The following BRINP2 variants were observed in gnomAD, a reference collection of about 807,000 sequenced individuals.
The protein encoded by BRINP2 is BMP/retinoic acid inducible neural specific 2.
BRINP2 carries 21 observed loss-of-function variants against 69.2 expected under a neutral mutation model. That is an observed-to-expected ratio of 0.30 (90% CI 0.22 to 0.44). The LOEUF (loss-of-function observed/expected upper bound fraction) is 0.44, where lower values mean the gene tolerates loss of function less well. Ranked by LOEUF, BRINP2 falls within the 20% of genes least tolerant of loss-of-function variation. The probability of loss-of-function intolerance (pLI) is 1.00; values close to 1 mark genes in which losing one functional copy is unlikely to be tolerated. For missense variants in BRINP2, 877 were observed against 986.0 expected (o/e 0.89, Z 1.48); for synonymous variants, 380 against 394.1 (o/e 0.96, Z 0.42).
Position 177,182,574 on chromosome 1 carries a change from C to T in BRINP2, c.-77+10842C>T, listed in dbSNP as rs555474570. 5.1e-4 allele frequency among the ~76,000 whole-genome samples: 77 copies of T among 152,252 alleles called. 1 individual carries two copies. Among genetic ancestry groups the T allele is most frequent in the Admixed American group, 9.8e-4 (15 of 15,312 alleles). ...CAAAGAGGGCTGCTCTGAGCTACAA[C>T]CCTTAAAGAACGCACCAGTACAGGC... is the stretch of plus-strand genomic sequence containing the variant. On this transcript the variant is annotated intron_variant, in intron 1 of 7. Coordinates refer to ENST00000361539, the MANE Select transcript of BRINP2 (RefSeq NM_021165.4).
chr1:177,193,904 C>G (rs1351868048), intron 1 of BRINP2, among the ~76,000 whole-genome samples: 1 of 152,204 alleles, frequency 6.6e-6, no homozygotes, highest in Non-Finnish European at 1.5e-5. Context: ...AACAAAACTT[C>G]AGGGGAATAA....
At chr1:177,275,859 A>C (rs1651475025) in intron 5 of BRINP2, among the ~76,000 whole-genome samples, 5 of 152,216 alleles carry the variant, frequency 3.3e-5, no homozygotes, top group Admixed American at 3.3e-4. Flanking sequence ...CTTTTATCTG[A>C]AACATCTTCC....
chr1:177,223,754 A>G (rs1410901130), intron 1 of BRINP2, among the ~76,000 whole-genome samples: 1 of 152,158 alleles, frequency 6.6e-6, no homozygotes, highest in African/African-American at 2.4e-5. Context: ...GAGGATATCT[A>G]TACCCTCACT....
rs769674620 is a variant in BRINP2, at chr1:177,278,662, G to T, written c.1112G>T (p.Arg371Leu). Residue 371 changes from arginine to leucine, a missense_variant, in exon 7 of 8, where the codon CGC becomes CTC. Physicochemically the swap from Arg to Leu is moderately radical, Grantham distance 102. Coordinates refer to ENST00000361539, the MANE Select transcript of BRINP2 (RefSeq NM_021165.4). ...FWAMDTSLQH[R>L]YQQLGAGLKV... ...GCCATGGACACCAGCCTTCAGCACC[G>T]CTACCAGCAGCTGGGAGCTGGCTTG... is the stretch of plus-strand genomic sequence containing the variant. 3.1e-6 allele frequency: 5 copies of T among 1,614,198 alleles called. No individual in the cohort carries two copies. In the East Asian group the frequency reaches 6.7e-5, roughly 22 times the overall value.
intron 1 of BRINP2, among the ~76,000 whole-genome samples, chr1:177,196,346 G>A (rs1035613024): frequency 6.6e-5 from 10 of 152,246 alleles, no homozygotes; most frequent in Non-Finnish European, 1.2e-4. Flanking sequence ...TTCTAGGTGC[G>A]GTGGCTCACG....
chr1:177,204,612 AAAG>A (rs1397724726), intron 1 of BRINP2, among the ~76,000 whole-genome samples: 1 of 152,188 alleles, frequency 6.6e-6, no homozygotes. Context: ...TCTCTCTAAT[AAAG>A]AAGGTTAAAA....
chr1:177,179,828 G>A (rs184095520), intron 1 of BRINP2, among the ~76,000 whole-genome samples: 1 of 152,226 alleles, frequency 6.6e-6, no homozygotes, highest in East Asian at 1.9e-4. Flanking sequence ...GGAGGGGTAT[G>A]CAGAGGGGGT....
intron 1 of BRINP2, among the ~76,000 whole-genome samples, chr1:177,179,204 ATAGAG>A (rs1310171132): frequency 6.6e-6 from 1 of 150,650 alleles, no homozygotes; most frequent in East Asian, 2.0e-4. Flanking sequence ...AGAAGATAAA[ATAGAG>A]TATTGTCAGA....
chr1:177,183,465 C>T (rs1399024635), intron 1 of BRINP2, among the ~76,000 whole-genome samples: 1 of 152,100 alleles, frequency 6.6e-6, no homozygotes, highest in Non-Finnish European at 1.5e-5. Flanking sequence ...GCTTTAGTTG[C>T]TTAAATTCTT....
intron 2 of BRINP2, among the ~76,000 whole-genome samples, chr1:177,247,498 T>G (rs1487870207): frequency 6.6e-6 from 1 of 152,254 alleles, no homozygotes; most frequent in Non-Finnish European, 1.5e-5. Flanking sequence ...TCCAGAGTTC[T>G]TAAATATTTT....
Position 177,261,122 on chromosome 1 carries a change from G to T in BRINP2, c.669+3738G>T, listed in dbSNP as rs191783233. 5.0e-4 allele frequency among the ~76,000 whole-genome samples: 76 copies of T among 152,206 alleles called. 1 individual carries two copies. The highest frequency in any genetic ancestry group is 1.7e-3 in the African/African-American group (71 of 41,532). ...CAGGTACAAGTGCCCTAAAGTGGCA[G>T]GGCAGTGTACTTTGTATGATCCAGG... On this transcript the variant is annotated intron_variant, in intron 4 of 7. Coordinates refer to ENST00000361539, the MANE Select transcript of BRINP2 (RefSeq NM_021165.4).
At chr1:177,241,569 C>A (rs1650207277) in intron 2 of BRINP2, among the ~76,000 whole-genome samples, 1 of 152,136 alleles carries the variant, frequency 6.6e-6, no homozygotes, top group Non-Finnish European at 1.5e-5. Flanking sequence ...CCAACTCTCC[C>A]TTTTCCATCT....
chr1:177,187,892 TA>T (rs1422045997), intron 1 of BRINP2, among the ~76,000 whole-genome samples: 1 of 152,206 alleles, frequency 6.6e-6, no homozygotes, highest in Non-Finnish European at 1.5e-5. Flanking sequence ...GATTAAAAAA[TA>T]ATCCATGGAT....
intron 6 of BRINP2, among the ~76,000 whole-genome samples, chr1:177,278,295 C>G (rs1558188152): frequency 6.6e-6 from 1 of 152,074 alleles, no homozygotes; most frequent in African/African-American, 2.4e-5. Flanking sequence ...ACTCTGGCCC[C>G]TCTGAGGGTG....
At chr1:177,270,775 C>T (rs1651297669) in intron 4 of BRINP2, among the ~76,000 whole-genome samples, 1 of 152,124 alleles carries the variant, frequency 6.6e-6, no homozygotes, top group Non-Finnish European at 1.5e-5. Context: ...AATACCATAC[C>T]CCTGTGTCCC....
chr1:177,221,779 G>A (rs907876452), intron 1 of BRINP2, among the ~76,000 whole-genome samples: 4 of 152,126 alleles, frequency 2.6e-5, no homozygotes, highest in African/African-American at 9.7e-5. Flanking sequence ...TCCAGGACAC[G>A]ATCAGGTGGA....
chr1:177,232,053 A>G (rs1032464437), intron 2 of BRINP2, among the ~76,000 whole-genome samples: 7 of 152,202 alleles, frequency 4.6e-5, no homozygotes, highest in African/African-American at 1.7e-4. Context: ...GTAAAATAAG[A>G]TTTAATTTAC....
intron 6 of BRINP2, among the ~76,000 whole-genome samples, chr1:177,276,657 T>C (rs1024099427): frequency 1.3e-5 from 2 of 152,234 alleles, no homozygotes; most frequent in African/African-American, 4.8e-5. Context: ...ATAGGTGTGT[T>C]TTAAGGACTT....
intron 2 of BRINP2, among the ~76,000 whole-genome samples, chr1:177,235,633 C>A (rs1649998261): frequency 6.6e-6 from 1 of 152,184 alleles, no homozygotes; most frequent in African/African-American, 2.4e-5. Flanking sequence ...GTCTCTCTGA[C>A]TAACAAATAC....
Sources: allele counts gnomAD v4.1 joint callset (sites outside exome capture counted in the v4.1 genomes callset), GRCh38; gene constraint gnomAD v4.1.1; transcripts MANE v1.5; gene names NCBI Gene and HGNC (gene_info 2026-07-23, HGNC 2026-07-21).